Variants in TARM1 observed in about 807,000 individuals in gnomAD.
TARM1 encodes T-cell-interacting, activating receptor on myeloid cells protein 1.
TARM1 carries 24 observed loss-of-function variants against 30.4 expected under a neutral mutation model. The observed-to-expected ratio is 0.79, with a 90% CI of 0.57 to 1.11. The LOEUF (loss-of-function observed/expected upper bound fraction) is 1.11, where lower values mean the gene tolerates loss of function less well. Among genes scored for constraint, TARM1 ranks in the 50% least tolerant of loss-of-function variants. The pLI is 0.00. For synonymous variants in TARM1, 129 were observed against 138.9 expected (o/e 0.93, Z 0.50); for missense variants, 323 against 332.8 (o/e 0.97, Z 0.23).
chr19:54,072,569 C>T (rs1196934287), intron 4 of TARM1, among the ~76,000 whole-genome samples: 11 of 152,048 alleles, frequency 7.2e-5, no homozygotes, highest in African/African-American at 2.7e-4. Context: ...GTCTCAAACT[C>T]CTGGGCTCAA....
intron 1 of TARM1, chr19:54,076,286 T>A: frequency 7.5e-7 from 1 of 1,336,166 alleles, no homozygotes; most frequent in Non-Finnish European, 1.0e-6. Flanking sequence ...TCATTCTTTC[T>A]TTCATTCATT....
At chr19:54,070,259 CG>C in intron 4 of TARM1, 99 bp from the exon 5 acceptor site, 2 of 1,453,952 alleles carry the variant, frequency 1.4e-6, no homozygotes, top group South Asian at 2.9e-5. Context: ...TTAATGTTTT[CG>C]GTTTTTTGGT....
chr19:54,078,544 A>G (rs962543914), intron 1 of TARM1, among the ~76,000 whole-genome samples: 2 of 151,598 alleles, frequency 1.3e-5, no homozygotes, highest in Non-Finnish European at 2.9e-5. Context: ...ACGCATGGCT[A>G]ATTTTTATAT....
intron 1 of TARM1, among the ~76,000 whole-genome samples, chr19:54,079,671 G>A (rs1161294510): frequency 6.6e-6 from 1 of 151,826 alleles, no homozygotes; most frequent in Non-Finnish European, 1.5e-5. Flanking sequence ...GAGTAACATA[G>A]TGAGATCCCG....
chr19:54,075,135 A>T, intron 2 of TARM1, 21 bp from the exon 3 acceptor site: 1 of 1,544,766 alleles, frequency 6.5e-7, no homozygotes, highest in Non-Finnish European at 8.7e-7. Context: ...GCAGAGCCTG[A>T]TGCTGGACCC....
At chr19:54,076,336 TTC>T in intron 1 of TARM1, 3 of 664,092 alleles carry the variant, frequency 4.5e-6, no homozygotes, top group Non-Finnish European at 6.4e-6. Context: ...TTTTCTTTCT[TTC>T]TTTCTTTCTT....
intron 1 of TARM1, among the ~76,000 whole-genome samples, chr19:54,077,943 T>C (rs1206172372): frequency 2.0e-5 from 3 of 151,718 alleles, no homozygotes; most frequent in African/African-American, 7.3e-5. Flanking sequence ...GCCTCCCAAG[T>C]AGCTGGGATT....
Position 54,074,863 on chromosome 19 carries a change from G to T in TARM1, c.322C>A (p.Leu108Ile). The T allele has an allele frequency of 6.4e-7, 1 of 1,551,632 alleles. No individual in the cohort carries two copies. Among genetic ancestry groups the T allele is most frequent in the Non-Finnish European group, 8.7e-7 (1 of 1,146,976 alleles). Residue 108 changes from leucine to isoleucine, a missense_variant, in exon 3 of 5, where the codon CTT becomes ATT. Coordinates refer to ENST00000432826, the MANE Select transcript of TARM1 (RefSeq NM_001135686.3). ...EYYRKASPHI[L>I]SQHSDVLLLL... is the part of the protein sequence containing the mutation. ...AGAAGGACGTCACTGTGCTGTGAAA[G>T]GATGTGGGGGGATGCTTTTCTGTAG...
Position 54,070,148 on chromosome 19 carries a change from G to C in TARM1, c.671C>G (p.Thr224Ser). 1 of 1,551,602 alleles carries C rather than the reference G, an allele frequency of 6.4e-7. No homozygotes were observed. The highest frequency in any genetic ancestry group is 8.7e-7 in the Non-Finnish European group (1 of 1,146,934). The change falls in exon 5 of 5, where the codon ACC (threonine) becomes AGC (serine). Residue 224 changes from threonine (T) to serine (S), a missense_variant. Thr to Ser is a moderately conservative substitution (Grantham distance 58). Coordinates refer to ENST00000432826, the MANE Select transcript of TARM1 (RefSeq NM_001135686.3). ...ACCCAGGGAGTAGTTGCTCGATGTG[G>C]TACCTGGGGGAACTGAAAGAGAGAA... The part of the protein sequence containing the change: ...LEILVTVPPG[T>S]TSSNYSLGNF...
At position 54,076,455 on chromosome 19, in the gene TARM1, C is replaced by T. The variant is rs112646859; in HGVS notation, c.35-537G>A. ...TCGGCTCACTGCAACCTCCGCCTCC[C>T]GGGTTCAAGTGATTCTCCTGCCTCA... On this transcript the variant is annotated intron_variant, in intron 1 of 4. Coordinates refer to ENST00000432826, the MANE Select transcript of TARM1 (RefSeq NM_001135686.3). 3.2e-3 allele frequency: 1,432 copies of T among 443,912 alleles called. 16 individuals are homozygous for T. Among genetic ancestry groups the T allele is most frequent in the African/African-American group, 0.026 (1,245 of 48,374 alleles). 27.5% of individuals were successfully genotyped at this position (443,912 alleles called of 1,614,324 possible). A position where few individuals can be genotyped will look rare whatever the true frequency, so the allele number is the denominator to read the frequency against.
rs1279697460 is a variant in TARM1 at position 54,072,187 on chromosome 19, T to TCAAA, written c.658+1729_658+1732dup. ...CTGGGCAACAGAGCAAGACTCCGTC[T>TCAAA]CAAACAAACAAACAAACAAAAAAAC... On this transcript the variant is annotated intron_variant, in intron 4 of 4. Transcript: ENST00000432826. Among the ~76,000 whole-genome samples, 11 of 152,174 alleles carry TCAAA rather than the reference T, an allele frequency of 7.2e-5. 1 individual carries two copies. The highest frequency in any genetic ancestry group is 1.0e-4 in the Non-Finnish European group (7 of 68,002).
intron 2 of TARM1, among the ~76,000 whole-genome samples, 155 bp downstream of exon 2, chr19:54,075,728 G>A (rs1266249659): frequency 1.3e-5 from 2 of 151,804 alleles, no homozygotes; most frequent in African/African-American, 4.8e-5. Context: ...AGGAGGCGGA[G>A]GTTGCTGTAA....
At chr19:54,080,094 AG>A (rs2072065298) in intron 1 of TARM1, among the ~76,000 whole-genome samples, 13,953 of 33,842 alleles carry the variant, frequency 0.41, 3,237 homozygotes, top group East Asian at 0.68. Flanking sequence ...AGAGAAAGAA[AG>A]GAAGGAAGGA....
chr19:54,071,752 G>A (rs754559824), intron 4 of TARM1, among the ~76,000 whole-genome samples: 1 of 151,994 alleles, frequency 6.6e-6, no homozygotes, highest in Non-Finnish European at 1.5e-5. Flanking sequence ...CTGGGCCTGG[G>A]GTTGGGGGGT....
chr19:54,075,143 C>T (rs1292582031), intron 2 of TARM1, 29 bp from the exon 3 acceptor site: 21 of 1,540,006 alleles, frequency 1.4e-5, no homozygotes, highest in Non-Finnish European at 1.8e-5. Context: ...TGATGCTGGA[C>T]CCGATGCCCT....
chr19:54,074,820 G>A lies in TARM1; in HGVS notation c.361+4C>T. The A allele has an allele frequency of 3.2e-6, 5 of 1,550,932 alleles. No individual in the cohort carries two copies. The highest frequency in any genetic ancestry group is 4.4e-6 in the Non-Finnish European group (5 of 1,146,480). ...TATGTCATTGGCAGGCACCCTGTCT[G>A]TACCTGTCACCAACAGTAGAAGGAC... On this transcript the variant is annotated splice_donor_region_variant and intron_variant, in intron 3 of 4. Coordinates refer to ENST00000432826, the MANE Select transcript of TARM1 (RefSeq NM_001135686.3).
chr19:54,077,787 G>C (rs2071995768), intron 1 of TARM1, among the ~76,000 whole-genome samples: 3 of 139,878 alleles, frequency 2.1e-5, no homozygotes, highest in Non-Finnish European at 4.5e-5. Context: ...TTGTTGCCCA[G>C]GCTGGAGTGC....
At chr19:54,073,567 C>A (rs2071866649) in intron 4 of TARM1, among the ~76,000 whole-genome samples, 1 of 151,612 alleles carries the variant, frequency 6.6e-6, no homozygotes, top group Non-Finnish European at 1.5e-5. Context: ...GATCTTGGCT[C>A]ACTGCAACCT....
intron 3 of TARM1, 52 bp downstream of exon 3, chr19:54,074,772 C>A: frequency 1.3e-6 from 2 of 1,520,254 alleles, no homozygotes; most frequent in Non-Finnish European, 8.9e-7. Flanking sequence ...TCCTCCACTT[C>A]CTCCCTCATC....
Sources: allele counts gnomAD v4.1 joint callset (sites outside exome capture counted in the v4.1 genomes callset), GRCh38; gene constraint gnomAD v4.1.1; transcripts MANE v1.5; gene names NCBI Gene and HGNC (gene_info 2026-07-23, HGNC 2026-07-21).